The following CEP192 variants were observed in gnomAD, a reference collection of about 807,000 sequenced individuals.
CEP192 encodes the protein centrosomal protein 192.
In CEP192, 151 loss-of-function variants were observed where a neutral mutation model predicts 271.8. That is an observed-to-expected ratio of 0.56 (90% confidence interval 0.49 to 0.64). The LOEUF is 0.64. Among genes scored for constraint, CEP192 ranks in the 30% least tolerant of loss-of-function variants. The probability of loss-of-function intolerance (pLI) is 0.00; values close to 1 mark genes in which losing one functional copy is unlikely to be tolerated. For missense variants in CEP192, 2,910 were observed against 3,020.5 expected (o/e 0.96, Z 0.86); for synonymous variants, 995 against 1,076.5 (o/e 0.92, Z 1.48).
At position 13,099,323 on chromosome 18, in the gene CEP192, C is replaced by T. The variant is rs567871655; in HGVS notation, c.6558-153C>T. On this transcript the variant is annotated intron_variant, in intron 36 of 44. Transcript: ENST00000506447. ...GGAGGCGGGATGAACTTGTGGGAGC[C>T]ATGTGGGAGCCGCATGGGAGTGAGC... Among the ~76,000 whole-genome samples the T allele has an allele frequency of 1.7e-4, 26 of 152,250 alleles. 1 individual carries two copies. The East Asian group carries it at 4.4e-3, about 26-fold the overall frequency.
At chr18:12,994,630 T>G (rs930241755) in intron 1 of CEP192, among the ~76,000 whole-genome samples, 2 of 152,128 alleles carry the variant, frequency 1.3e-5, no homozygotes, top group East Asian at 1.9e-4. Flanking sequence ...TATTTCAGGG[T>G]GTGTTTGGAA....
chr18:13,038,163 A>G (rs1047597260), intron 12 of CEP192, among the ~76,000 whole-genome samples: 1 of 152,102 alleles, frequency 6.6e-6, no homozygotes, highest in South Asian at 2.1e-4. Flanking sequence ...TTATAACTCA[A>G]GTGTTCAAAA....
chr18:13,101,053 G>T (rs1448751066), intron 38 of CEP192, among the ~76,000 whole-genome samples: 1 of 152,224 alleles, frequency 6.6e-6, no homozygotes, highest in Non-Finnish European at 1.5e-5. Context: ...CGTGCATTCA[G>T]TGAAAATCGT....
rs115893031 is a variant in CEP192, at chr18:13,084,762, G to A, written c.5617-2255G>A. Reference sequence around the variant, plus strand: ...TCTTATTCAGCCATCTTGAAACGGAGTCTCTAATGATCGCCATTCTCACGC... The same window carrying A: ...TCTTATTCAGCCATCTTGAAACGGAATCTCTAATGATCGCCATTCTCACGC... On this transcript the variant is annotated intron_variant, in intron 30 of 44. Transcript: ENST00000506447. Among the ~76,000 whole-genome samples the A allele has an allele frequency of 5.8e-3, 876 of 152,036 alleles. 12 individuals carry two copies. Among genetic ancestry groups the A allele is most frequent in the African/African-American group, 0.02 (839 of 41,498 alleles).
rs971070395 is a variant in CEP192 at position 13,008,679 on chromosome 18, C to T, written c.466+48C>T. On this transcript the variant is annotated intron_variant, in intron 4 of 44. Transcript: ENST00000506447. ...TTCTTAATGCATATGTTTTAATTTCCTTTTTCATTTCCTTATCTTTGGATT... is the reference window on the plus strand; with the variant it reads ...TTCTTAATGCATATGTTTTAATTTCTTTTTTCATTTCCTTATCTTTGGATT... The T allele has an allele frequency of 2.5e-5, 33 of 1,327,700 alleles. No homozygotes were observed. In the African/African-American group the frequency reaches 4.0e-4, roughly 16 times the overall value. The allele number at this position is 1,327,700 out of a possible 1,614,324, so 82.2% of individuals were successfully genotyped here.
At chr18:13,114,278 G>T (rs761526295) in intron 42 of CEP192, 27 bp downstream of exon 42, 15 of 1,607,070 alleles carry the variant, frequency 9.3e-6, no homozygotes, top group Middle Eastern at 1.7e-4. Flanking sequence ...ATTCTTATGA[G>T]TTTTTTCCCA....
chr18:12,991,575 CAG>C (rs1290006295), intron 1 of CEP192, 138 bp downstream of exon 1: 6 of 152,532 alleles, frequency 3.9e-5, no homozygotes, highest in Admixed American at 3.9e-4. Context: ...GGGGCGGCCT[CAG>C]GGCGCGAGCA....
Position 13,029,894 on chromosome 18 carries a change from T to C in CEP192, c.1282T>C (p.Leu428=). The C allele has an allele frequency of 1.3e-6, 2 of 1,551,730 alleles. No individual in the cohort carries two copies. The highest frequency in any genetic ancestry group is 2.4e-5 in the South Asian group (2 of 84,068). ...SIQENVDVAS[L]KPISDSGINF... ...TCAAGAAAATGTGGATGTAGCCTCTTTGAAGCCCATTAGTGACAGTGGAAT... is the reference window on the plus strand; with the variant it reads ...TCAAGAAAATGTGGATGTAGCCTCTCTGAAGCCCATTAGTGACAGTGGAAT... Residue 428 remains leucine, a synonymous_variant, in exon 10 of 45, where the codon TTG becomes CTG. Coordinates refer to ENST00000506447, the MANE Select transcript of CEP192 (RefSeq NM_032142.4).
intron 30 of CEP192, among the ~76,000 whole-genome samples, chr18:13,081,399 C>T (rs578117286): frequency 6.6e-6 from 1 of 152,138 alleles, no homozygotes; most frequent in African/African-American, 2.4e-5. Flanking sequence ...ACCATTTCTT[C>T]TAGATTTTCT....
chr18:13,029,629 GCT>G, intron 9 of CEP192, 32 bp from the exon 10 acceptor site: 1 of 1,276,918 alleles, frequency 7.8e-7, no homozygotes, highest in East Asian at 2.6e-5. Context: ...ACTTACTGTT[GCT>G]CTGTTAAAAA....
chr18:13,001,809 T>A (rs1313217710), intron 3 of CEP192, among the ~76,000 whole-genome samples: 1 of 152,212 alleles, frequency 6.6e-6, no homozygotes, highest in South Asian at 2.1e-4. Context: ...GTTCAAGTGA[T>A]TCTCCTGCCT....
At chr18:13,038,306 A>T (rs138899585) in intron 12 of CEP192, 64 bp from the exon 13 acceptor site, 1 of 1,309,882 alleles carries the variant, frequency 7.6e-7, no homozygotes, top group Admixed American at 2.2e-5. Context: ...TAGTTTTTGT[A>T]TATTAGAACA....
intron 30 of CEP192, among the ~76,000 whole-genome samples, chr18:13,085,423 G>C (rs1242678987): frequency 6.6e-6 from 1 of 152,060 alleles, no homozygotes. Flanking sequence ...GTGAATTTTG[G>C]CTTTTGTTGC....
intron 21 of CEP192, among the ~76,000 whole-genome samples, chr18:13,066,527 G>A (rs764975249): frequency 3.9e-5 from 6 of 152,130 alleles, no homozygotes; most frequent in Non-Finnish European, 7.4e-5. Context: ...CTTTGGAAGC[G>A]TCCCTTGAGA....
chr18:13,065,188 A>T (rs1296828284), intron 21 of CEP192, among the ~76,000 whole-genome samples: 3 of 140,408 alleles, frequency 2.1e-5, no homozygotes, highest in African/African-American at 2.5e-5. Flanking sequence ...TTTTTTTTTT[A>T]AACATGGTCA....
intron 14 of CEP192, 75 bp downstream of exon 14, chr18:13,041,031 C>A: frequency 7.7e-7 from 1 of 1,295,774 alleles, no homozygotes; most frequent in Non-Finnish European, 1.1e-6. Flanking sequence ...AAATGGGTGA[C>A]CGTGTTCTTT....
At chr18:13,123,661 A>T in intron 44 of CEP192, among the ~76,000 whole-genome samples, 1 of 152,176 alleles carries the variant, frequency 6.6e-6, no homozygotes, top group East Asian at 1.9e-4. Context: ...ATGACATCAC[A>T]TGGGCTGTGT....
At chr18:13,093,600 G>A (rs1421211357) in intron 34 of CEP192, among the ~76,000 whole-genome samples, 1 of 152,182 alleles carries the variant, frequency 6.6e-6, no homozygotes, top group Admixed American at 6.5e-5. Context: ...GGTCCTTTTG[G>A]CAGCATTAAT....
At chr18:13,019,973 G>A (rs943319249) in intron 9 of CEP192, among the ~76,000 whole-genome samples, 1 of 151,748 alleles carries the variant, frequency 6.6e-6, no homozygotes, top group African/African-American at 2.4e-5. Flanking sequence ...TCACCACCTG[G>A]TTAATTTTTG....
Sources: allele counts gnomAD v4.1 joint callset (sites outside exome capture counted in the v4.1 genomes callset), GRCh38; gene constraint gnomAD v4.1.1; transcripts MANE v1.5; gene names NCBI Gene and HGNC (gene_info 2026-07-23, HGNC 2026-07-21).